Variants in BARX2 observed in about 807,000 individuals in gnomAD.
The protein encoded by BARX2 is BARX homeobox 2, also known as homeobox protein BarH-like 2.
Under a neutral mutation model 25.5 loss-of-function variants are expected in BARX2, and 11 were observed. That is an observed-to-expected ratio of 0.43 (90% CI 0.27 to 0.71). The LOEUF is 0.71. Ranked by LOEUF, BARX2 falls within the 30% of genes least tolerant of loss-of-function variation. The pLI, the probability that BARX2 is intolerant of heterozygous loss-of-function variation, is 0.19. For synonymous variants in BARX2, 137 were observed against 149.5 expected, an observed-to-expected ratio of 0.92 and a Z score of 0.61; for missense variants, 360 against 359.9, an observed-to-expected ratio of 1.00 and a Z score of 0.00.
At chr11:129,423,411 G>A (rs988326682) in intron 1 of BARX2, among the ~76,000 whole-genome samples, 4 of 152,204 alleles carry the variant, frequency 2.6e-5, no homozygotes, top group African/African-American at 9.6e-5. Context: ...CACTGCACCC[G>A]GCCCAGATTG....
At chr11:129,377,654 G>A (rs553046697) in intron 1 of BARX2, among the ~76,000 whole-genome samples, 2 of 152,160 alleles carry the variant, frequency 1.3e-5, no homozygotes, top group Admixed American at 6.5e-5. Context: ...ACTGAATAGG[G>A]GTGATAAGTT....
At chr11:129,439,618 G>C (rs1230069794) in intron 2 of BARX2, among the ~76,000 whole-genome samples, 1 of 152,200 alleles carries the variant, frequency 6.6e-6, no homozygotes, top group Non-Finnish European at 1.5e-5. Context: ...ACTGAAGTAG[G>C]AAGACAGAGG....
intron 1 of BARX2, among the ~76,000 whole-genome samples, chr11:129,418,205 G>A (rs1861965433): frequency 6.6e-6 from 1 of 152,122 alleles, no homozygotes; most frequent in Non-Finnish European, 1.5e-5. Flanking sequence ...AGGCGTAATG[G>A]TTGCAAATTC....
At chr11:129,394,882 C>T (rs1374989127) in intron 1 of BARX2, among the ~76,000 whole-genome samples, 1 of 151,010 alleles carries the variant, frequency 6.6e-6, no homozygotes, top group African/African-American at 2.4e-5. Flanking sequence ...ATCTGCAGAG[C>T]TGTGCAAAGG....
intron 1 of BARX2, among the ~76,000 whole-genome samples, chr11:129,410,674 A>G (rs917660040): frequency 2.0e-5 from 3 of 152,176 alleles, no homozygotes; most frequent in Non-Finnish European, 4.4e-5. Flanking sequence ...TAAACACCAG[A>G]GCCAGTAGGT....
In BARX2 at chr11:129,436,604, A is replaced by G; in HGVS notation, c.188-147A>G. Reference sequence around the variant, plus strand: ...GCCCTGCAGCTGTAGGTCTTGAGTTACCTCTCCTTCCCCTTCCTCCATCTG... The same window carrying G: ...GCCCTGCAGCTGTAGGTCTTGAGTTGCCTCTCCTTCCCCTTCCTCCATCTG... On this transcript the variant is annotated intron_variant, in intron 1 of 3. Coordinates refer to ENST00000281437, the MANE Select transcript of BARX2 (RefSeq NM_003658.5). This position sits in a 1 kb window ranked among gnomAD's most constrained non-coding sequence, Gnocchi z 4.5. The G allele has an allele frequency of 2.4e-6, 2 of 831,070 alleles. No individual in the cohort carries two copies. The highest frequency in any genetic ancestry group is 3.7e-6 in the Non-Finnish European group (2 of 540,818). The allele number at this position is 831,070 out of a possible 1,614,324, so 51.5% of individuals were successfully genotyped here.
intron 1 of BARX2, among the ~76,000 whole-genome samples, chr11:129,385,971 A>G (rs573419836): frequency 1.3e-5 from 2 of 152,258 alleles, no homozygotes; most frequent in Non-Finnish European, 2.9e-5. Flanking sequence ...AACTGAGAAC[A>G]CTTTATAACT....
chr11:129,404,037 A>C (rs551990961), intron 1 of BARX2, among the ~76,000 whole-genome samples: 22 of 152,338 alleles, frequency 1.4e-4, no homozygotes, highest in African/African-American at 4.8e-4. Context: ...CACTCTAATG[A>C]ATGATTCTAT....
intron 1 of BARX2, among the ~76,000 whole-genome samples, chr11:129,432,473 T>A (rs1289594933): frequency 2.6e-5 from 4 of 152,242 alleles, no homozygotes; most frequent in Non-Finnish European, 2.9e-5. Context: ...AAAATTGACA[T>A]AAAGCGAGAA....
chr11:129,447,915 C>T (rs1349808228), intron 3 of BARX2, among the ~76,000 whole-genome samples: 1 of 152,176 alleles, frequency 6.6e-6, no homozygotes, highest in Non-Finnish European at 1.5e-5. Flanking sequence ...TTTCAAAAGC[C>T]TGCACTCAGA....
At position 129,451,504 on chromosome 11, in the gene BARX2, G is replaced by A. The variant is rs904313853; in HGVS notation, c.*102G>A. On this transcript the variant is annotated 3_prime_UTR_variant, in exon 4 of 4. Coordinates refer to ENST00000281437, the MANE Select transcript of BARX2 (RefSeq NM_003658.5). ...ACCTTCCAGCAGCCCAGTAAACTGC[G>A]GGCGAAGAGATCTACCCGTCTCCCT... 53 of 1,354,754 alleles carry A rather than the reference G, an allele frequency of 3.9e-5. No homozygotes were observed. Among genetic ancestry groups the A allele is most frequent in the African/African-American group, 6.0e-5 (4 of 66,358 alleles). The allele number at this position is 1,354,754 out of a possible 1,614,324, so 83.9% of individuals were successfully genotyped here. A position where few individuals can be genotyped will look rare whatever the true frequency, so the allele number is the denominator to read the frequency against.
intron 1 of BARX2, among the ~76,000 whole-genome samples, chr11:129,420,490 C>A (rs907424809): frequency 6.6e-6 from 1 of 152,204 alleles, no homozygotes; most frequent in Non-Finnish European, 1.5e-5. Flanking sequence ...CCCTCTGCCT[C>A]ATCCATCAAA....
intron 1 of BARX2, among the ~76,000 whole-genome samples, chr11:129,395,318 C>T (rs942784487): frequency 6.6e-6 from 1 of 152,120 alleles, no homozygotes; most frequent in Non-Finnish European, 1.5e-5. Flanking sequence ...ACTCTGCTGT[C>T]GCCAGTGATG....
At chr11:129,383,387 C>T (rs182564881) in intron 1 of BARX2, among the ~76,000 whole-genome samples, 6 of 152,124 alleles carry the variant, frequency 3.9e-5, no homozygotes, top group East Asian at 1.9e-4. Flanking sequence ...TATCAGAAGG[C>T]GGTATAATTA....
chr11:129,442,584 C>G (rs1453926053), intron 2 of BARX2: 1 of 487,042 alleles, frequency 2.1e-6, no homozygotes, highest in Non-Finnish European at 3.7e-6. Flanking sequence ...CCTTGCAGAC[C>G]GTGAATGTTT....
chr11:129,381,390 TTTTG>T (rs767498243), intron 1 of BARX2, among the ~76,000 whole-genome samples: 10 of 152,084 alleles, frequency 6.6e-5, no homozygotes, highest in South Asian at 2.1e-4. Context: ...TTTTGTTTTG[TTTTG>T]TTTGTTTGTT....
At chr11:129,421,206 C>T (rs7111899) in intron 1 of BARX2, among the ~76,000 whole-genome samples, 8,645 of 152,102 alleles carry the variant, frequency 0.057, 837 homozygotes, top group African/African-American at 0.2. Context: ...CTGTGGTTAC[C>T]CCTTATTATA....
chr11:129,431,852 C>A (rs1002409806), intron 1 of BARX2, among the ~76,000 whole-genome samples: 15 of 151,812 alleles, frequency 9.9e-5, no homozygotes, highest in Admixed American at 5.9e-4. Flanking sequence ...TCTACCTAAC[C>A]CAGTGTCACA....
intron 1 of BARX2, among the ~76,000 whole-genome samples, chr11:129,397,887 C>A (rs1285425332): frequency 6.6e-6 from 1 of 152,214 alleles, no homozygotes. Flanking sequence ...AGAGGCAGAA[C>A]ATTTCTGAAA....
Sources: allele counts gnomAD v4.1 joint callset (sites outside exome capture counted in the v4.1 genomes callset), GRCh38; gene constraint gnomAD v4.1.1; non-coding constraint Gnocchi (gnomAD v3.1); transcripts MANE v1.5; gene names NCBI Gene and HGNC (gene_info 2026-07-23, HGNC 2026-07-21).